The following DIAPH3 variants were observed in gnomAD, a reference collection of about 807,000 sequenced individuals.
The protein encoded by DIAPH3 is diaphanous related formin 3, also known as protein diaphanous homolog 3.
In DIAPH3, 117 loss-of-function variants were observed where a neutral mutation model predicts 144.3. The observed-to-expected ratio is 0.81, with a 90% CI of 0.70 to 0.95. The LOEUF (loss-of-function observed/expected upper bound fraction) is 0.95, where lower values mean the gene tolerates loss of function less well. Among genes scored for constraint, DIAPH3 ranks in the 40% least tolerant of loss-of-function variants. DIAPH3 has a pLI of 0.00. For synonymous variants in DIAPH3, 519 were observed against 488.9 expected, an observed-to-expected ratio of 1.06 and a Z score of -0.81; for missense variants, 1,421 against 1,412.7, an observed-to-expected ratio of 1.01 and a Z score of -0.09.
intron 27 of DIAPH3, among the ~76,000 whole-genome samples, chr13:59,714,628 A>C (rs2034957072): frequency 6.6e-6 from 1 of 152,056 alleles, no homozygotes; most frequent in African/African-American, 2.4e-5. Context: ...CCTTCCTCTA[A>C]TAAGATGCCA....
intron 24 of DIAPH3, among the ~76,000 whole-genome samples, chr13:59,814,954 TGGC>T (rs2040689852): frequency 1.3e-5 from 2 of 152,248 alleles, no homozygotes; most frequent in Non-Finnish European, 2.9e-5. Context: ...TCTCAGTGAA[TGGC>T]TTATTTCACT....
At chr13:60,129,092 G>A (rs2059069709) in intron 2 of DIAPH3, among the ~76,000 whole-genome samples, 2 of 152,096 alleles carry the variant, frequency 1.3e-5, no homozygotes, top group African/African-American at 4.8e-5. Flanking sequence ...TGAAGGACAG[G>A]AGAGAAAACA....
At chr13:59,952,809 A>C (rs2049169975) in intron 17 of DIAPH3, among the ~76,000 whole-genome samples, 1 of 152,318 alleles carries the variant, frequency 6.6e-6, no homozygotes, top group South Asian at 2.1e-4. Context: ...AGGAGGCTGA[A>C]ATTATTGCAT....
At chr13:59,873,408 T>G (rs947298366) in intron 21 of DIAPH3, among the ~76,000 whole-genome samples, 1 of 152,170 alleles carries the variant, frequency 6.6e-6, no homozygotes, top group African/African-American at 2.4e-5. Context: ...ACTCACAGTG[T>G]TAACTTGTGT....
intron 1 of DIAPH3, among the ~76,000 whole-genome samples, chr13:60,157,297 T>C (rs1952080001): frequency 6.6e-6 from 1 of 152,138 alleles, no homozygotes. Flanking sequence ...GGCCTTGTCT[T>C]CAGGCTAGCT....
At chr13:59,978,383 G>A (rs939804940) in intron 14 of DIAPH3, among the ~76,000 whole-genome samples, 18 of 151,376 alleles carry the variant, frequency 1.2e-4, no homozygotes, top group Non-Finnish European at 2.2e-4. Context: ...AAAAAATTAC[G>A]TTCTTATGAG....
At chr13:59,691,325 T>G (rs1738172600) in intron 27 of DIAPH3, among the ~76,000 whole-genome samples, 1 of 152,158 alleles carries the variant, frequency 6.6e-6, no homozygotes, top group Non-Finnish European at 1.5e-5. Flanking sequence ...TTAGTCTTGT[T>G]TTTTATCCCC....
chr13:59,897,515 C>T (rs966047078), intron 20 of DIAPH3, among the ~76,000 whole-genome samples: 3 of 151,254 alleles, frequency 2.0e-5, no homozygotes, highest in South Asian at 2.1e-4. Flanking sequence ...TTTGGGAGGC[C>T]GAGGGGGGCG....
intron 27 of DIAPH3, among the ~76,000 whole-genome samples, chr13:59,760,043 A>G (rs1397403481): frequency 2.0e-5 from 3 of 152,326 alleles, no homozygotes; most frequent in African/African-American, 7.2e-5. Flanking sequence ...CTGCAAGTGT[A>G]GAAACAGGTC....
In DIAPH3 at chr13:60,057,527, C is replaced by T. The variant is rs549696674; in HGVS notation, c.496-14707G>A. ...ATCGAGATAACAATCCCATTCTTCA[C>T]AGAATTAGAAAAAGCATTCCTAAAA... On this transcript the variant is annotated intron_variant, in intron 4 of 27. Transcript: ENST00000400324. Among the ~76,000 whole-genome samples, 14 of 152,078 alleles carry T rather than the reference C, an allele frequency of 9.2e-5. No homozygotes were observed. In the South Asian group the frequency reaches 2.9e-3, roughly 32 times the overall value.
chr13:59,743,910 A>AG (rs1435381866), intron 27 of DIAPH3, among the ~76,000 whole-genome samples: 5 of 152,228 alleles, frequency 3.3e-5, no homozygotes. Flanking sequence ...TACACCCCAC[A>AG]GGCATCACTG....
At chr13:59,962,269 A>G (rs2049808218) in intron 17 of DIAPH3, among the ~76,000 whole-genome samples, 1 of 152,220 alleles carries the variant, frequency 6.6e-6, no homozygotes, top group Non-Finnish European at 1.5e-5. Flanking sequence ...TCAAAATAGT[A>G]TTTTTAAATG....
At chr13:59,847,911 C>T (rs1050917544) in intron 22 of DIAPH3, among the ~76,000 whole-genome samples, 2 of 152,182 alleles carry the variant, frequency 1.3e-5, no homozygotes, top group Admixed American at 6.5e-5. Flanking sequence ...ATTTAGCTGG[C>T]ACCTTAAACT....
intron 15 of DIAPH3, among the ~76,000 whole-genome samples, chr13:59,973,551 T>C (rs1031909040): frequency 6.6e-6 from 1 of 152,104 alleles, no homozygotes; most frequent in African/African-American, 2.4e-5. Context: ...TACTAACAGA[T>C]AGCTATCTCT....
chr13:59,791,756 G>A (rs1026206097), intron 25 of DIAPH3, among the ~76,000 whole-genome samples: 6 of 152,134 alleles, frequency 3.9e-5, no homozygotes, highest in African/African-American at 1.2e-4. Flanking sequence ...CAAATTCGAC[G>A]GGAGCTTTCT....
At chr13:59,705,109 TC>T (rs2034341615) in intron 27 of DIAPH3, among the ~76,000 whole-genome samples, 1 of 152,148 alleles carries the variant, frequency 6.6e-6, no homozygotes, top group Admixed American at 6.5e-5. Context: ...ACTAGGCTCT[TC>T]CTGTGTGCCA....
At chr13:59,881,513 T>G (rs529352115) in intron 20 of DIAPH3, among the ~76,000 whole-genome samples, 1 of 152,162 alleles carries the variant, frequency 6.6e-6, no homozygotes, top group Non-Finnish European at 1.5e-5. Flanking sequence ...ACTACATTCA[T>G]GCACAGAAGA....
intron 1 of DIAPH3, among the ~76,000 whole-genome samples, chr13:60,139,015 A>C (rs1374624503): frequency 6.6e-6 from 1 of 152,156 alleles, no homozygotes; most frequent in Non-Finnish European, 1.5e-5. Flanking sequence ...TCTAGCCCAC[A>C]CACCTGTGTT....
chr13:59,709,239 C>G (rs751341715), intron 27 of DIAPH3, among the ~76,000 whole-genome samples: 2 of 151,962 alleles, frequency 1.3e-5, no homozygotes, highest in Non-Finnish European at 2.9e-5. Flanking sequence ...TTCAAAACAA[C>G]AGATTGGCTA....
Sources: gnomAD v4.1 joint callset for allele counts (sites outside exome capture counted in the v4.1 genomes callset) on GRCh38, gnomAD v4.1.1 for gene constraint, MANE v1.5 for transcripts, NCBI Gene and HGNC (gene_info 2026-07-23, HGNC 2026-07-21) for gene names.